GPR21: variants seen among roughly 807,000 people sequenced by gnomAD.
The protein encoded by GPR21 is G protein-coupled receptor 21.
A neutral mutation model predicts 21.5 loss-of-function variants in GPR21; 9 were observed. The ratio of observed to expected loss-of-function variants is 0.42; its 90% confidence interval spans 0.25 to 0.73. GPR21 has a LOEUF of 0.73. Among genes scored for constraint, GPR21 ranks in the 30% least tolerant of loss-of-function variants. The pLI, the probability that GPR21 is intolerant of heterozygous loss-of-function variation, is 0.27. For synonymous variants in GPR21, 169 were observed against 159.3 expected (o/e 1.06, Z -0.46); for missense variants, 416 against 428.9 (o/e 0.97, Z 0.27).
chr9:123,038,533 T>A (rs2032789484), downstream of GPR21, among the ~76,000 whole-genome samples: 1 of 152,068 alleles, frequency 6.6e-6, no homozygotes, highest in Non-Finnish European at 1.5e-5. Flanking sequence ...ATAGGAATTG[T>A]TTTAATTTCA....
chr9:123,033,816 A>G (rs1445867072), intron 1 of GPR21, 74 bp downstream of exon 1: 1 of 152,268 alleles, frequency 6.6e-6, no homozygotes. Flanking sequence ...TTATATTGGA[A>G]TCAATGAAGA....
downstream of GPR21, among the ~76,000 whole-genome samples, chr9:123,038,325 A>G (rs2032777080): frequency 6.6e-6 from 1 of 151,958 alleles, no homozygotes; most frequent in Admixed American, 6.6e-5. Flanking sequence ...TTTACTTTTT[A>G]CTTGAATAAT....
In GPR21 at chr9:123,035,634, G is replaced by A; in HGVS notation, c.*18G>A. The A allele has an allele frequency of 3.8e-6, 5 of 1,312,552 alleles. No homozygotes were observed. The highest frequency in any genetic ancestry group is 4.2e-6 in the Non-Finnish European group (4 of 946,766). The allele number at this position is 1,312,552 out of a possible 1,614,324, so 81.3% of individuals were successfully genotyped here. On this transcript the variant is annotated 3_prime_UTR_variant, in exon 2 of 2. Coordinates refer to ENST00000616002, the MANE Select transcript of GPR21 (RefSeq NM_005294.3). ...ATATCTGAAGTGGCTCAGTTACGGG[G>A]TTCCCGTGTGTGTGTGTGTGTGTGT...
chr9:123,045,084 G>A, the GPR21 span, among the ~76,000 whole-genome samples: 2 of 152,286 alleles, frequency 1.3e-5, no homozygotes, highest in African/African-American at 4.8e-5. Context: ...CAAAACGACT[G>A]AATTAGCTTT....
At chr9:123,038,801 T>A (rs1354688751), downstream of GPR21, among the ~76,000 whole-genome samples, 1 of 151,780 alleles carries the variant, frequency 6.6e-6, no homozygotes, top group African/African-American at 2.4e-5. Flanking sequence ...ATTGTAGACA[T>A]TTCTTATGGC....
chr9:123,034,947 A>C lies in GPR21; in HGVS notation c.381A>C (p.Arg127Ser), dbSNP rs1012633494. 4 of 1,613,050 alleles carry C rather than the reference A, an allele frequency of 2.5e-6. No homozygotes were observed. The highest frequency in any genetic ancestry group is 1.3e-5 in the African/African-American group (1 of 74,834). ...MASLACISID[R>S]YIAITKPLTY... ...CTCTGGCCTGTATCAGCATTGATAG[A>C]TACATTGCCATTACTAAACCTTTAA... Residue 127 changes from arginine (R) to serine (S), a missense_variant, in exon 2 of 2, where the codon AGA becomes AGC. Transcript: ENST00000616002.
chr9:123,043,763 G>A, the GPR21 span, among the ~76,000 whole-genome samples: 1 of 151,982 alleles, frequency 6.6e-6, no homozygotes. Flanking sequence ...TCAGAAGTAT[G>A]AATTAAAAAC....
chr9:123,039,583 C>T (rs1467463225), downstream of GPR21, among the ~76,000 whole-genome samples: 1 of 152,252 alleles, frequency 6.6e-6, no homozygotes, highest in East Asian at 1.9e-4. Flanking sequence ...TAAATAATAT[C>T]TCTTTTTGGT....
At chr9:123,044,622 C>A in the GPR21 span, among the ~76,000 whole-genome samples, 16 of 99,960 alleles carry the variant, frequency 1.6e-4, no homozygotes, top group Non-Finnish European at 2.8e-4. Context: ...GGAAAACACA[C>A]GTACGTGTGT....
At chr9:123,047,919 GTTTTTTTTTTTTTTTTTTTTTTTTT>G in the GPR21 span, among the ~76,000 whole-genome samples, 1 of 62,252 alleles carries the variant, frequency 1.6e-5, no homozygotes, top group Non-Finnish European at 3.6e-5. Context: ...CAGCTGCTGG[GTTTTTTTTTTTTTTTTTTTTTTTTT>G]TTTTTTTTTT....
chr9:123,037,019 C>T (rs1191061358), downstream of GPR21, among the ~76,000 whole-genome samples: 1 of 152,140 alleles, frequency 6.6e-6, no homozygotes, highest in Non-Finnish European at 1.5e-5. Context: ...ATTTCCTCTA[C>T]TTTTCTGCTG....
At chr9:123,038,867 T>G (rs1354916073), downstream of GPR21, among the ~76,000 whole-genome samples, 1 of 152,102 alleles carries the variant, frequency 6.6e-6, no homozygotes, top group Admixed American at 6.5e-5. Flanking sequence ...GGGCATCATA[T>G]AGTAAAAATG....
the GPR21 span, among the ~76,000 whole-genome samples, chr9:123,048,911 G>A: frequency 7.9e-5 from 12 of 152,136 alleles, no homozygotes; most frequent in Non-Finnish European, 4.4e-5. Flanking sequence ...ATTTGGGACC[G>A]TTTTGCCAAA....
chr9:123,041,479 C>T, the GPR21 span, among the ~76,000 whole-genome samples: 1 of 152,180 alleles, frequency 6.6e-6, no homozygotes, highest in Non-Finnish European at 1.5e-5. Flanking sequence ...TTCTTTGACT[C>T]TAAAGCTTGT....
At chr9:123,036,788 A>T (rs757531105), downstream of GPR21, among the ~76,000 whole-genome samples, 33 of 152,156 alleles carry the variant, frequency 2.2e-4, no homozygotes, top group Non-Finnish European at 3.7e-4. Flanking sequence ...CTGGAAAAAA[A>T]ATCCTTTGGC....
chr9:123,035,982 A>G (rs2032636770), downstream of GPR21, among the ~76,000 whole-genome samples: 1 of 152,204 alleles, frequency 6.6e-6, no homozygotes, highest in East Asian at 1.9e-4. Context: ...CATTTTAAAA[A>G]GTCATCACTT....
the GPR21 span, among the ~76,000 whole-genome samples, chr9:123,047,944 T>G: frequency 3.6e-4 from 35 of 98,582 alleles, 1 homozygote; most frequent in Middle Eastern, 4.2e-3. Flanking sequence ...TTTTTTTTTT[T>G]TTTTTTTTTT....
the GPR21 span, among the ~76,000 whole-genome samples, chr9:123,044,867 C>T: frequency 1.3e-5 from 2 of 152,010 alleles, no homozygotes; most frequent in Non-Finnish European, 2.9e-5. Context: ...ACCCCAGACC[C>T]CCTCCTTGAA....
At chr9:123,041,566 T>C in the GPR21 span, among the ~76,000 whole-genome samples, 196 of 152,320 alleles carry the variant, frequency 1.3e-3, no homozygotes, top group African/African-American at 4.5e-3. Flanking sequence ...TGAATATGCA[T>C]ATTTCTGTTA....
Sources: gnomAD v4.1 joint callset for allele counts (sites outside exome capture counted in the v4.1 genomes callset) on GRCh38, gnomAD v4.1.1 for gene constraint, MANE v1.5 for transcripts, NCBI Gene and HGNC (gene_info 2026-07-23, HGNC 2026-07-21) for gene names.